Variants in RIC1 observed in about 807,000 individuals in gnomAD.
The protein encoded by RIC1 is guanine nucleotide exchange factor subunit RIC1.
RIC1 carries 88 observed loss-of-function variants against 169.0 expected under a neutral mutation model. The ratio of observed to expected loss-of-function variants is 0.52; its 90% CI spans 0.44 to 0.62. RIC1 has a LOEUF of 0.62. Ranked by LOEUF, RIC1 falls within the 20% of genes least tolerant of loss-of-function variation. RIC1 has a pLI of 0.00. For missense variants in RIC1, 1,877 were observed against 1,725.5 expected (o/e 1.09, Z -1.56); for synonymous variants, 790 against 601.5 (o/e 1.31, Z -4.59).
chr9:5,713,721 A>G (rs543337435), intron 3 of RIC1, 175 bp from the exon 4 acceptor site: 9 of 403,208 alleles, frequency 2.2e-5, no homozygotes, highest in Admixed American at 4.3e-5. Flanking sequence ...TCCAATTGAT[A>G]AGTAGATAAT....
At position 5,656,699 on chromosome 9, in the gene RIC1, ATT is replaced by A; in HGVS notation, c.252+12_252+13del. On this transcript the variant is annotated intron_variant, in intron 2 of 25. Transcript: ENST00000414202. ...CCATGATAGCTGTATCAGTAAGTAG[ATT>A]TTACCGCTAAATAGTGTTTTCTTAT... 7.0e-7 allele frequency: 1 copy of A among 1,436,234 alleles called. No homozygotes were observed. The highest frequency in any genetic ancestry group is 9.7e-7 in the Non-Finnish European group (1 of 1,030,456). 89.0% of individuals were successfully genotyped at this position (1,436,234 alleles called of 1,614,324 possible).
At chr9:5,677,343 T>C (rs1284035958) in intron 2 of RIC1, among the ~76,000 whole-genome samples, 2 of 152,230 alleles carry the variant, frequency 1.3e-5, no homozygotes, top group Admixed American at 1.3e-4. Context: ...AAATGTGTGT[T>C]CAAATCTTTT....
In RIC1 at chr9:5,708,112, T is replaced by C. The variant is rs76781815; in HGVS notation, c.333-5784T>C. Among the ~76,000 whole-genome samples, 9 of 152,268 alleles carry C rather than the reference T, an allele frequency of 5.9e-5. No individual in the cohort carries two copies. In the East Asian group the frequency reaches 1.7e-3, roughly 29 times the overall value. ...TTGGGGATTAAATTAACATCTTGCA[T>C]GTACAACAGCCTAGTTTGAAGTAAT... On this transcript the variant is annotated intron_variant, in intron 3 of 25. Coordinates refer to ENST00000414202, the MANE Select transcript of RIC1 (RefSeq NM_020829.4).
At position 5,774,267 on chromosome 9, in the gene RIC1, G is replaced by C; in HGVS notation, c.*21G>C. 6.3e-7 allele frequency: 1 copy of C among 1,581,032 alleles called. No homozygotes were observed. Among genetic ancestry groups the C allele is most frequent in the Non-Finnish European group, 8.6e-7 (1 of 1,162,824 alleles). On this transcript the variant is annotated 3_prime_UTR_variant, in exon 26 of 26. Coordinates refer to ENST00000414202, the MANE Select transcript of RIC1 (RefSeq NM_020829.4). ...CCTAACAGTGAGGTTCCATCACAAA[G>C]GGGCAGTATTAATTAGCAGCAGCGT...
chr9:5,732,827 C>T (rs1251512333), intron 7 of RIC1, among the ~76,000 whole-genome samples: 3 of 152,068 alleles, frequency 2.0e-5, no homozygotes, highest in Non-Finnish European at 4.4e-5. Context: ...TTTAAGACAT[C>T]AGCATTCATG....
intron 2 of RIC1, among the ~76,000 whole-genome samples, chr9:5,681,712 C>T (rs926093011): frequency 6.6e-6 from 1 of 152,140 alleles, no homozygotes; most frequent in Non-Finnish European, 1.5e-5. Context: ...AACTTTCTGT[C>T]TCTTTGATCT....
chr9:5,713,290 G>A (rs939176823), intron 3 of RIC1: 1 of 152,242 alleles, frequency 6.6e-6, no homozygotes, highest in Non-Finnish European at 1.5e-5. Flanking sequence ...GAAGGGTCGT[G>A]TGTGACAGTT....
chr9:5,656,850 C>G (rs1316494312), intron 2 of RIC1, among the ~76,000 whole-genome samples, 160 bp downstream of exon 2: 1 of 152,122 alleles, frequency 6.6e-6, no homozygotes, highest in Non-Finnish European at 1.5e-5. Flanking sequence ...GTGGATTACT[C>G]CTACTATAGC....
At position 5,631,647 on chromosome 9, in the gene RIC1, A is replaced by G. The variant is rs565620735; in HGVS notation, c.144+2194A>G. The stretch of plus-strand genomic sequence containing the variant: ...GGTTGCAGTGAGCCAAGATCCCACC[A>G]CTGCACTCCAGCCTGGCGACAGAGC... On this transcript the variant is annotated intron_variant, in intron 1 of 25. Coordinates refer to ENST00000414202, the MANE Select transcript of RIC1 (RefSeq NM_020829.4). 6.8e-3 allele frequency among the ~76,000 whole-genome samples: 998 copies of G among 147,842 alleles called. 8 individuals are homozygous for G. The highest frequency in any genetic ancestry group is 0.01 in the Non-Finnish European group (706 of 67,340).
At chr9:5,770,684 G>A (rs1827153119) in intron 23 of RIC1, among the ~76,000 whole-genome samples, 1 of 152,252 alleles carries the variant, frequency 6.6e-6, no homozygotes, top group South Asian at 2.1e-4. Context: ...TGGAATATGT[G>A]AGGAGGTAAT....
intron 1 of RIC1, among the ~76,000 whole-genome samples, chr9:5,634,587 GTA>G (rs1322588978): frequency 1.3e-5 from 2 of 152,072 alleles, no homozygotes; most frequent in African/African-American, 4.8e-5. Flanking sequence ...GTACTGAGTT[GTA>G]TGAGTTCCTT....
At chr9:5,678,535 C>A (rs1412843377) in intron 2 of RIC1, among the ~76,000 whole-genome samples, 2 of 151,880 alleles carry the variant, frequency 1.3e-5, no homozygotes, top group Non-Finnish European at 2.9e-5. Context: ...TTAATGATTG[C>A]CATTCTAACT....
intron 3 of RIC1, among the ~76,000 whole-genome samples, chr9:5,696,615 CAAT>C (rs1821923442): frequency 6.6e-6 from 1 of 151,976 alleles, no homozygotes; most frequent in Non-Finnish European, 1.5e-5. Context: ...AAAAATCCAA[CAAT>C]GAGAGATCTA....
chr9:5,768,936 T>C, intron 21 of RIC1, 34 bp from the exon 22 acceptor site: 1 of 1,571,642 alleles, frequency 6.4e-7, no homozygotes, highest in South Asian at 1.2e-5. Context: ...CCAGTAAAGA[T>C]TATTCTGTAG....
At chr9:5,722,337 AAG>A (rs147623001) in intron 6 of RIC1, among the ~76,000 whole-genome samples, 41 of 115,420 alleles carry the variant, frequency 3.6e-4, no homozygotes, top group South Asian at 1.2e-3. Context: ...CAAAAACTAT[AAG>A]AGAGAGAGAG....
chr9:5,765,896 A>C, intron 21 of RIC1, 98 bp downstream of exon 21: 1 of 1,412,784 alleles, frequency 7.1e-7, no homozygotes, highest in Non-Finnish European at 9.7e-7. Context: ...ACAACTATTT[A>C]ATCCAATTGC....
chr9:5,754,964 A>G (rs934531090), intron 15 of RIC1, 34 bp downstream of exon 15: 10 of 1,343,576 alleles, frequency 7.4e-6, no homozygotes, highest in Non-Finnish European at 8.2e-6. Flanking sequence ...ACAGATTTTT[A>G]TATTTTAAAG....
chr9:5,732,428 C>T lies in RIC1; in HGVS notation c.761C>T (p.Thr254Met), dbSNP rs887028227. 9.9e-6 allele frequency: 16 copies of T among 1,611,240 alleles called. No individual in the cohort carries two copies. The highest frequency in any genetic ancestry group is 6.7e-5 in the East Asian group (3 of 44,748). ...GVWPQDVVDG[T>M]CVAVNNKYRL... is the part of the protein sequence containing the mutation. ...TGGCCACAAGATGTTGTTGACGGAACGTGTGTAGCAGTAAATAACAAGTAT... is the reference window on the plus strand; with the variant it reads ...TGGCCACAAGATGTTGTTGACGGAATGTGTGTAGCAGTAAATAACAAGTAT... Residue 254 changes from threonine (T) to methionine (M), a missense_variant, in exon 7 of 26, where the codon ACG (threonine) becomes ATG (methionine). Around this residue, in one of 3 missense-constraint regions of RIC1, gnomAD observed 1,104 missense variants for 992.0 expected, o/e 1.11. Transcript: ENST00000414202.
At chr9:5,708,459 G>C (rs1026082672) in intron 3 of RIC1, among the ~76,000 whole-genome samples, 2 of 152,040 alleles carry the variant, frequency 1.3e-5, no homozygotes, top group African/African-American at 4.8e-5. Context: ...GGTAGTTCAG[G>C]TCTACTTGTG....
Sources: gnomAD v4.1 joint callset for allele counts (sites outside exome capture counted in the v4.1 genomes callset) on GRCh38, gnomAD v4.1.1 for gene constraint, gnomAD v4.1.1 regional missense constraint, MANE v1.5 for transcripts, NCBI Gene and HGNC (gene_info 2026-07-23, HGNC 2026-07-21) for gene names.